The following STAB2 variants were observed in gnomAD, a reference collection of about 807,000 sequenced individuals.
The protein encoded by STAB2 is stabilin 2, also known as stabilin-2.
STAB2 carries 288 observed loss-of-function variants against 338.1 expected under a neutral mutation model. That is an observed-to-expected ratio of 0.85 (90% CI 0.77 to 0.94). STAB2 has a LOEUF of 0.94. Among genes scored for constraint, STAB2 ranks in the 40% least tolerant of loss-of-function variants. The probability of loss-of-function intolerance (pLI) is 0.00; values close to 1 mark genes in which losing one functional copy is unlikely to be tolerated. For synonymous variants in STAB2, 1,202 were observed against 1,193.3 expected (o/e 1.01, Z -0.15); for missense variants, 3,141 against 3,210.1 (o/e 0.98, Z 0.52).
intron 3 of STAB2, among the ~76,000 whole-genome samples, chr12:103,603,263 G>A (rs1345458078): frequency 6.6e-6 from 1 of 151,960 alleles, no homozygotes; most frequent in Non-Finnish European, 1.5e-5. Context: ...GTAGAGACGG[G>A]GTTTCATCAT....
At chr12:103,653,595 G>A (rs1873909507) in intron 12 of STAB2, among the ~76,000 whole-genome samples, 1 of 122,830 alleles carries the variant, frequency 8.1e-6, no homozygotes, top group African/African-American at 2.9e-5. Context: ...TGGATACATG[G>A]ATAGGTCACT....
At chr12:103,704,057 T>C (rs1379621842) in intron 35 of STAB2, among the ~76,000 whole-genome samples, 3 of 152,220 alleles carry the variant, frequency 2.0e-5, no homozygotes. Flanking sequence ...CTGGTAGGCT[T>C]AAGGTTCAGA....
At chr12:103,660,656 C>T (rs831427) in intron 16 of STAB2, 27 bp from the exon 17 acceptor site, 247,556 of 1,612,584 alleles carry the variant, frequency 0.15, 20,375 homozygotes, top group East Asian at 0.3. Flanking sequence ...CCAAATATCT[C>T]TGCCTTTTGT....
At chr12:103,707,021 C>T in intron 38 of STAB2, 34 bp downstream of exon 38, 1 of 1,605,436 alleles carries the variant, frequency 6.2e-7, no homozygotes, top group Non-Finnish European at 8.5e-7. Context: ...GGATCTTGGG[C>T]TGCTGAAACC....
chr12:103,692,597 CTGTG>C (rs36051361), intron 30 of STAB2, among the ~76,000 whole-genome samples: 3 of 150,826 alleles, frequency 2.0e-5, no homozygotes, highest in Non-Finnish European at 3.0e-5. Flanking sequence ...CTCTCTGTCT[CTGTG>C]TGTGTGTGTG....
At chr12:103,683,388 T>C (rs1593230284) in intron 26 of STAB2, 88 bp downstream of exon 26, 1 of 1,222,364 alleles carries the variant, frequency 8.2e-7, no homozygotes, top group Non-Finnish European at 1.1e-6. Flanking sequence ...TCTGGCCTAG[T>C]GATGAACAAA....
At chr12:103,739,572 T>TGCGTGTGC (rs1555251326) in intron 54 of STAB2, 104 bp downstream of exon 54, 1 of 707,054 alleles carries the variant, frequency 1.4e-6, no homozygotes, top group Non-Finnish European at 2.0e-6. Context: ...TGTGTGTGTG[T>TGCGTGTGC]GCCCGTGCAC....
chr12:103,675,873 C>A, intron 23 of STAB2, 55 bp from the exon 24 acceptor site: 1 of 1,459,146 alleles, frequency 6.9e-7, no homozygotes, highest in East Asian at 2.3e-5. Context: ...GGCTGGCTCT[C>A]TTCTGGGTCG....
intron 15 of STAB2, among the ~76,000 whole-genome samples, chr12:103,655,975 G>A (rs1469617188): frequency 6.6e-6 from 1 of 152,210 alleles, no homozygotes; most frequent in Non-Finnish European, 1.5e-5. Context: ...TCAGGGCCAG[G>A]TCTAGGCTAA....
intron 1 of STAB2, among the ~76,000 whole-genome samples, chr12:103,588,423 T>G (rs753382194): frequency 3.3e-5 from 5 of 152,084 alleles, no homozygotes; most frequent in Non-Finnish European, 7.4e-5. Context: ...AGCACGTTTT[T>G]TAATCTCTTC....
At chr12:103,691,701 C>T (rs576263564) in intron 30 of STAB2, among the ~76,000 whole-genome samples, 1 of 152,218 alleles carries the variant, frequency 6.6e-6, no homozygotes, top group East Asian at 1.9e-4. Context: ...GAGGAGCTAA[C>T]CATTAAAGAC....
chr12:103,740,965 T>C (rs1166313198), intron 55 of STAB2, among the ~76,000 whole-genome samples: 1 of 152,182 alleles, frequency 6.6e-6, no homozygotes, highest in African/African-American at 2.4e-5. Context: ...TGTGCATATA[T>C]TGTAATTGTG....
intron 68 of STAB2, chr12:103,766,049 T>A (rs1884932917): frequency 1.5e-6 from 1 of 663,880 alleles, no homozygotes; most frequent in Non-Finnish European, 2.8e-6. Flanking sequence ...TGCAGCCGAG[T>A]TGGGATGATT....
intron 7 of STAB2, 60 bp downstream of exon 7, chr12:103,637,296 A>G: frequency 6.5e-7 from 1 of 1,529,204 alleles, no homozygotes; most frequent in Middle Eastern, 1.7e-4. Context: ...ATTTAACAGG[A>G]AAAAAAAATC....
In STAB2 at chr12:103,762,270, T is replaced by G. The variant is rs1450617534; in HGVS notation, c.7360-4T>G. On this transcript the variant is annotated splice_polypyrimidine_tract_variant and splice_region_variant and intron_variant, in intron 66 of 68. Coordinates refer to ENST00000388887, the MANE Select transcript of STAB2 (RefSeq NM_017564.10). ...ATGGGCCCCTTTCCTTTCTTTGTGT[T>G]CAGACCTTGACCCACACTGGCTTGG... The G allele has an allele frequency of 6.2e-7, 1 of 1,614,086 alleles. No individual in the cohort carries two copies. The highest frequency in any genetic ancestry group is 1.7e-5 in the Admixed American group (1 of 60,010).
chr12:103,613,070 G>A lies in STAB2; in HGVS notation c.332-7398G>A, dbSNP rs558397513. Among the ~76,000 whole-genome samples, 11 of 152,242 alleles carry A rather than the reference G, an allele frequency of 7.2e-5. No homozygotes were observed. The East Asian group carries it at 7.7e-4, about 11-fold the overall frequency. ...GAAGTTTTGTCTCAGAGGGCTACCC[G>A]GCCGTGTGAGGTGTCAGTCTGCCCC... On this transcript the variant is annotated intron_variant, in intron 3 of 68. Transcript: ENST00000388887.
At chr12:103,628,611 AG>A (rs1957415499) in intron 5 of STAB2, among the ~76,000 whole-genome samples, 1 of 152,182 alleles carries the variant, frequency 6.6e-6, no homozygotes, top group South Asian at 2.1e-4. Context: ...TGGTAGCCCC[AG>A]CTGTTTTTGG....
rs1416971942 is a variant in STAB2 at position 103,660,253 on chromosome 12, T to C, written c.1735-78T>C. 3 of 1,442,488 alleles carry C rather than the reference T, an allele frequency of 2.1e-6. No individual in the cohort carries two copies. In the African/African-American group the frequency reaches 4.2e-5, roughly 20 times the overall value. 89.4% of individuals were successfully genotyped at this position (1,442,488 alleles called of 1,614,324 possible). A position where few individuals can be genotyped will look rare whatever the true frequency, so the allele number is the denominator to read the frequency against. On this transcript the variant is annotated intron_variant, in intron 15 of 68. Coordinates refer to ENST00000388887, the MANE Select transcript of STAB2 (RefSeq NM_017564.10). Reference sequence around the variant, plus strand: ...GGTCATTTTTCTTGATTGTCTAACGTCATTTGAAGAGGATTCCACAAGAGT... The same window carrying C: ...GGTCATTTTTCTTGATTGTCTAACGCCATTTGAAGAGGATTCCACAAGAGT...
intron 4 of STAB2, 139 bp downstream of exon 4, chr12:103,620,692 G>A (rs1957286647): frequency 1.3e-6 from 1 of 792,988 alleles, no homozygotes; most frequent in African/African-American, 1.8e-5. Context: ...CTTAAGCAGT[G>A]AAGGTATTAA....
Sources: allele counts gnomAD v4.1 joint callset (sites outside exome capture counted in the v4.1 genomes callset), GRCh38; gene constraint gnomAD v4.1.1; transcripts MANE v1.5; gene names NCBI Gene and HGNC (gene_info 2026-07-23, HGNC 2026-07-21).